DYRK1A: variants seen among roughly 807,000 people sequenced by gnomAD.
The protein encoded by DYRK1A is dual specificity tyrosine-phosphorylation-regulated kinase 1A.
DYRK1A carries 9 observed loss-of-function variants against 79.7 expected under a neutral mutation model. The observed-to-expected ratio is 0.11, with a 90% CI of 0.07 to 0.20. DYRK1A has a LOEUF of 0.20. Among genes scored for constraint, DYRK1A ranks in the 10% least tolerant of loss-of-function variants. The probability of loss-of-function intolerance (pLI) is 1.00; values close to 1 mark genes in which losing one functional copy is unlikely to be tolerated. For synonymous variants in DYRK1A, 349 were observed against 329.7 expected (o/e 1.06, Z -0.63); for missense variants, 622 against 956.0 (o/e 0.65, Z 4.61).
chr21:37,494,753 G>T (rs1194793782), intron 8 of DYRK1A, among the ~76,000 whole-genome samples: 1 of 151,834 alleles, frequency 6.6e-6, no homozygotes, highest in Non-Finnish European at 1.5e-5. Flanking sequence ...TTCGAGACTG[G>T]CCCTGCCAAT....
chr21:37,421,390 G>A (rs955813482), intron 2 of DYRK1A, among the ~76,000 whole-genome samples: 1 of 151,954 alleles, frequency 6.6e-6, no homozygotes, highest in African/African-American at 2.4e-5. Context: ...TTGTTTCGGT[G>A]TACTATTTTG....
intron 2 of DYRK1A, among the ~76,000 whole-genome samples, chr21:37,428,558 G>A (rs1212126787): frequency 6.6e-6 from 1 of 152,138 alleles, no homozygotes; most frequent in African/African-American, 2.4e-5. Flanking sequence ...TCTTAAACAA[G>A]CAAATAGGAG....
At chr21:37,459,103 A>G (rs1419346565) in intron 2 of DYRK1A, among the ~76,000 whole-genome samples, 1 of 152,228 alleles carries the variant, frequency 6.6e-6, no homozygotes, top group Non-Finnish European at 1.5e-5. Context: ...TATGAAGGAC[A>G]GCTTTGAAAT....
intron 2 of DYRK1A, among the ~76,000 whole-genome samples, chr21:37,447,903 TA>T (rs1016306824): frequency 6.6e-6 from 1 of 151,878 alleles, no homozygotes; most frequent in Non-Finnish European, 1.5e-5. Context: ...TTGTGGCGAT[TA>T]AAAAAATTGT....
chr21:37,511,598 C>T (rs747253820), intron 11 of DYRK1A, among the ~76,000 whole-genome samples: 1 of 152,146 alleles, frequency 6.6e-6, no homozygotes, highest in Non-Finnish European at 1.5e-5. Flanking sequence ...GAATACTGTC[C>T]AGCCCTTTTC....
chr21:37,368,892 A>G (rs1466530759), intron 1 of DYRK1A, among the ~76,000 whole-genome samples: 1 of 152,190 alleles, frequency 6.6e-6, no homozygotes, highest in Non-Finnish European at 1.5e-5. Flanking sequence ...TTTAGCGTGG[A>G]ATTACCTTTG....
At position 37,520,862 on chromosome 21, in the gene DYRK1A, G is replaced by A. The variant is rs1295355685; in HGVS notation, c.*8331G>A. 6.6e-6 allele frequency: 1 copy of A among 152,230 alleles called. No homozygotes were observed. Among genetic ancestry groups the A allele is most frequent in the African/African-American group, 2.4e-5 (1 of 41,458 alleles). 9.4% of individuals were successfully genotyped at this position (152,230 alleles called of 1,614,324 possible). A position where few individuals can be genotyped will look rare whatever the true frequency, so the allele number is the denominator to read the frequency against. ...ATCTACAGGGCTCAGTGCGCTTGGAGTCCTGGATTCCTCCAGGACTGCTAC... is the reference window on the plus strand; with the variant it reads ...ATCTACAGGGCTCAGTGCGCTTGGAATCCTGGATTCCTCCAGGACTGCTAC... On this transcript the variant is annotated 3_prime_UTR_variant, in exon 12 of 12. Transcript: ENST00000647188.
At chr21:37,433,864 C>G (rs182304363) in intron 2 of DYRK1A, among the ~76,000 whole-genome samples, 1 of 152,128 alleles carries the variant, frequency 6.6e-6, no homozygotes, top group African/African-American at 2.4e-5. Flanking sequence ...TGGGATCTTA[C>G]GCATTATGTT....
intron 11 of DYRK1A, among the ~76,000 whole-genome samples, chr21:37,506,859 A>G (rs1176604667): frequency 1.3e-5 from 2 of 152,158 alleles, no homozygotes; most frequent in African/African-American, 2.4e-5. Context: ...TATTTGATGG[A>G]TGAGTAAACT....
intron 1 of DYRK1A, among the ~76,000 whole-genome samples, chr21:37,394,226 CTT>C (rs10593016): frequency 0.14 from 20,814 of 144,002 alleles, 1,556 homozygotes; most frequent in Middle Eastern, 0.17. Flanking sequence ...TTTTTAAACC[CTT>C]TTTTTTTTTT....
intron 1 of DYRK1A, among the ~76,000 whole-genome samples, chr21:37,374,053 T>A (rs939529812): frequency 3.9e-5 from 6 of 152,218 alleles, no homozygotes; most frequent in African/African-American, 1.4e-4. Context: ...GCTATACTTT[T>A]AGTAGTGAAG....
intron 4 of DYRK1A, among the ~76,000 whole-genome samples, chr21:37,479,589 G>GTTTT (rs1569361929): frequency 1.1e-4 from 8 of 74,392 alleles, no homozygotes; most frequent in African/African-American, 4.5e-4. Flanking sequence ...CAGTGTTGGT[G>GTTTT]TTTTGTTTTT....
At chr21:37,467,778 A>G (rs1166634326) in intron 2 of DYRK1A, among the ~76,000 whole-genome samples, 1 of 152,184 alleles carries the variant, frequency 6.6e-6, no homozygotes, top group African/African-American at 2.4e-5. Flanking sequence ...TCTTTCTAAG[A>G]AAGCTGTATT....
chr21:37,497,464 G>A (rs549592868), intron 9 of DYRK1A, among the ~76,000 whole-genome samples: 1 of 151,980 alleles, frequency 6.6e-6, no homozygotes, highest in Non-Finnish European at 1.5e-5. Flanking sequence ...CTCATTAATC[G>A]TGGCCCATTT....
At chr21:37,458,123 A>G (rs1458336783) in intron 2 of DYRK1A, among the ~76,000 whole-genome samples, 1 of 152,332 alleles carries the variant, frequency 6.6e-6, no homozygotes, top group East Asian at 1.9e-4. Flanking sequence ...ATGGCTTCAT[A>G]GTATTACAGC....
chr21:37,505,725 T>C, intron 10 of DYRK1A, 136 bp downstream of exon 10: 1 of 978,780 alleles, frequency 1.0e-6, no homozygotes, highest in Non-Finnish European at 1.5e-6. Context: ...TTCTTTGTAG[T>C]TAGTAGTAAA....
intron 1 of DYRK1A, among the ~76,000 whole-genome samples, chr21:37,408,180 C>G (rs1399170488): frequency 6.6e-6 from 1 of 152,212 alleles, no homozygotes; most frequent in Admixed American, 6.5e-5. Context: ...TTTGTAAGCT[C>G]TCTTGTCAGA....
intron 4 of DYRK1A, 125 bp from the exon 5 acceptor site, chr21:37,480,513 G>A: frequency 5.9e-6 from 4 of 681,576 alleles, no homozygotes; most frequent in Non-Finnish European, 9.3e-6. Context: ...TCATTGGTTA[G>A]ATCAGTATTA....
At chr21:37,417,523 C>CTT (rs1378320554) in intron 1 of DYRK1A, among the ~76,000 whole-genome samples, 1 of 47,154 alleles carries the variant, frequency 2.1e-5, no homozygotes, top group Admixed American at 2.6e-4. Flanking sequence ...TTTTCTTTTT[C>CTT]TTTTTCTTTT....
Sources: gnomAD v4.1 joint callset for allele counts (sites outside exome capture counted in the v4.1 genomes callset) on GRCh38, gnomAD v4.1.1 for gene constraint, MANE v1.5 for transcripts, NCBI Gene and HGNC (gene_info 2026-07-23, HGNC 2026-07-21) for gene names.